The following ZNF425 variants were observed in gnomAD, a reference collection of about 807,000 sequenced individuals.
ZNF425 encodes zinc finger protein 425.
ZNF425 carries 21 observed loss-of-function variants against 17.0 expected under a neutral mutation model. The observed-to-expected ratio is 1.23, with a 90% CI of 0.88 to 1.78. The LOEUF (loss-of-function observed/expected upper bound fraction) is 1.78. Ranked by LOEUF, ZNF425 falls within the 40% of genes most tolerant of loss-of-function variation. ZNF425 has a pLI of 0.00. For synonymous variants in ZNF425, 433 were observed against 384.1 expected (o/e 1.13, Z -1.49); for missense variants, 868 against 967.3 (o/e 0.90, Z 1.36).
At chr7:149,106,460 A>C (rs1052331040) in intron 3 of ZNF425, among the ~76,000 whole-genome samples, 5 of 151,134 alleles carry the variant, frequency 3.3e-5, no homozygotes, top group African/African-American at 1.2e-4. Flanking sequence ...TCTTGTCTCA[A>C]ACTGACCTCA....
intron 1 of ZNF425, among the ~76,000 whole-genome samples, chr7:149,123,185 G>C (rs1407871300): frequency 6.6e-6 from 1 of 152,122 alleles, no homozygotes; most frequent in Admixed American, 6.6e-5. Context: ...GCTCTTCCTG[G>C]GTGTTTGAGG....
rs1006239140 is a variant in ZNF425 at position 149,118,423 on chromosome 7, G to A, written c.19-75C>T. The A allele has an allele frequency of 2.0e-6, 3 of 1,520,840 alleles. No homozygotes were observed. In the African/African-American group the frequency reaches 4.2e-5, roughly 21 times the overall value. The allele number at this position is 1,520,840 out of a possible 1,614,324, so 94.2% of individuals were successfully genotyped here. On this transcript the variant is annotated intron_variant, in intron 1 of 3. Coordinates refer to ENST00000378061, the MANE Select transcript of ZNF425 (RefSeq NM_001001661.3). ...GTTTTTCAATGTCCATTACTTTATT[G>A]AGATACAGAAAGAAAACATGTTAAT...
At chr7:149,118,525 T>C in intron 1 of ZNF425, 177 bp from the exon 2 acceptor site, 1 of 739,500 alleles carries the variant, frequency 1.4e-6, no homozygotes. Flanking sequence ...GTAAAATGAA[T>C]GAATGGGCCG....
intron 3 of ZNF425, 175 bp downstream of exon 3, chr7:149,111,962 A>G (rs13239832): frequency 0.64 from 345,276 of 537,386 alleles, 114,869 homozygotes; most frequent in East Asian, 0.91. Flanking sequence ...GATTACAGGC[A>G]TGAGCCACCA....
At chr7:149,124,048 C>G (rs1180431285) in intron 1 of ZNF425, among the ~76,000 whole-genome samples, 6 of 149,868 alleles carry the variant, frequency 4.0e-5, no homozygotes, top group Non-Finnish European at 8.9e-5. Context: ...GGGGTTTCAC[C>G]GTGTTAGCCA....
rs537496094 is a variant in ZNF425, at chr7:149,125,195, G to A, written c.18+1001C>T. 2.6e-5 allele frequency among the ~76,000 whole-genome samples: 4 copies of A among 152,278 alleles called. No individual in the cohort carries two copies. In the East Asian group the frequency reaches 7.7e-4, roughly 29 times the overall value. On this transcript the variant is annotated intron_variant, in intron 1 of 3. Transcript: ENST00000378061. ...GGGAAGCAAAAGGGAAGAATCAAAT[G>A]CAAATAAGGAGCATTACATTCCTAA... is the stretch of plus-strand genomic sequence containing the variant.
intron 2 of ZNF425, among the ~76,000 whole-genome samples, chr7:149,114,207 C>T (rs532493624): frequency 1.4e-5 from 2 of 145,284 alleles, no homozygotes; most frequent in East Asian, 4.2e-4. Context: ...TACAGGGGTG[C>T]AACACCACGC....
At chr7:149,110,723 T>C (rs1343531206) in intron 3 of ZNF425, among the ~76,000 whole-genome samples, 1 of 151,920 alleles carries the variant, frequency 6.6e-6, no homozygotes, top group Non-Finnish European at 1.5e-5. Flanking sequence ...CATTTCTGTA[T>C]ATTCAAATGG....
intron 1 of ZNF425, 115 bp from the exon 2 acceptor site, chr7:149,118,463 G>T: frequency 7.9e-7 from 1 of 1,258,246 alleles, no homozygotes; most frequent in Non-Finnish European, 1.1e-6. Flanking sequence ...TCTGGATGGT[G>T]CCATATTATA....
chr7:149,123,982 G>C (rs1445133431), intron 1 of ZNF425, among the ~76,000 whole-genome samples: 1 of 151,046 alleles, frequency 6.6e-6, no homozygotes, highest in African/African-American at 2.4e-5. Flanking sequence ...CGAGTAGCTG[G>C]GACTACAGGC....
At chr7:149,110,449 C>T (rs887476033) in intron 3 of ZNF425, among the ~76,000 whole-genome samples, 1 of 151,354 alleles carries the variant, frequency 6.6e-6, no homozygotes, top group Non-Finnish European at 1.5e-5. Context: ...GCCTGTAATC[C>T]CAGCTACTCA....
intron 3 of ZNF425, among the ~76,000 whole-genome samples, chr7:149,111,654 G>A: frequency 6.9e-6 from 1 of 143,940 alleles, no homozygotes. Flanking sequence ...CTGTATGAGA[G>A]TAATACATAA....
intron 3 of ZNF425, among the ~76,000 whole-genome samples, chr7:149,107,265 A>C (rs1297380765): frequency 6.6e-6 from 1 of 151,840 alleles, no homozygotes; most frequent in Non-Finnish European, 1.5e-5. Context: ...CACAAATAAC[A>C]CTGTAGAATT....
intron 3 of ZNF425, among the ~76,000 whole-genome samples, chr7:149,111,259 G>T (rs1012004107): frequency 6.7e-6 from 1 of 150,162 alleles, no homozygotes; most frequent in Non-Finnish European, 1.5e-5. Context: ...GACCAGACTG[G>T]CCAATATGGC....
intron 1 of ZNF425, among the ~76,000 whole-genome samples, chr7:149,123,841 CTTTTTTTTT>C (rs11301508): frequency 0.011 from 1,366 of 128,180 alleles, 15 homozygotes; most frequent in African/African-American, 0.037. Flanking sequence ...CTTGCTTTTT[CTTTTTTTTT>C]TTTTTTTTCC....
rs1563146716 is a variant in ZNF425, at chr7:149,112,258, C to T, written c.183G>A (p.Met61Ile). ...TGATTAATAGCATTCTCCCTTGTTC[C>T]ATCCATGTGATCAAATCTGGCTTGG... ...AFSKPDLITW[M>I]EQGRMLLISE... Residue 61 changes from methionine to isoleucine, a missense_variant, in exon 3 of 4, where the codon ATG (methionine) becomes ATA (isoleucine). By Grantham distance (10) the Met-to-Ile change is conservative. Coordinates refer to ENST00000378061, the MANE Select transcript of ZNF425 (RefSeq NM_001001661.3). 6.2e-7 allele frequency: 1 copy of T among 1,614,020 alleles called. No homozygotes were observed. The highest frequency in any genetic ancestry group is 1.7e-5 in the Admixed American group (1 of 59,982).
At chr7:149,113,551 A>AT (rs774215848) in intron 2 of ZNF425, 1,349 of 129,290 alleles carry the variant, frequency 0.01, 26 homozygotes, top group Middle Eastern at 0.025. Flanking sequence ...ATTCCTACAA[A>AT]TTTTTTTTTT....
chr7:149,126,119 T>G (rs746307908), intron 1 of ZNF425, 77 bp downstream of exon 1: 1 of 1,606,192 alleles, frequency 6.2e-7, no homozygotes, highest in African/African-American at 1.3e-5. Context: ...CCCCACTCCC[T>G]GGACGCGGAC....
chr7:149,117,025 G>A (rs1455353885), intron 2 of ZNF425, among the ~76,000 whole-genome samples: 4 of 152,124 alleles, frequency 2.6e-5, no homozygotes, highest in Non-Finnish European at 4.4e-5. Context: ...CACTTTGGGA[G>A]GCTGAGGTGA....
Sources: gnomAD v4.1 joint callset for allele counts (sites outside exome capture counted in the v4.1 genomes callset) on GRCh38, gnomAD v4.1.1 for gene constraint, MANE v1.5 for transcripts, NCBI Gene and HGNC (gene_info 2026-07-23, HGNC 2026-07-21) for gene names.